The following DNM2 variants were observed in gnomAD, a reference collection of about 807,000 sequenced individuals.
The protein encoded by DNM2 is dynamin 2, also known as dynamin-2.
Under a neutral mutation model 99.0 loss-of-function variants are expected in DNM2, and 15 were observed. The observed-to-expected ratio is 0.15, with a 90% confidence interval of 0.10 to 0.23. The LOEUF (loss-of-function observed/expected upper bound fraction) is 0.23. Ranked by LOEUF, DNM2 falls within the 10% of genes least tolerant of loss-of-function variation. The probability of loss-of-function intolerance (pLI) is 1.00; values close to 1 mark genes in which losing one functional copy is unlikely to be tolerated. For missense variants in DNM2, 742 were observed against 1,189.4 expected (o/e 0.62, Z 5.53); for synonymous variants, 525 against 481.2 (o/e 1.09, Z -1.19).
intron 1 of DNM2, among the ~76,000 whole-genome samples, chr19:10,727,242 C>G (rs745836127): frequency 2.6e-5 from 4 of 152,094 alleles, no homozygotes; most frequent in Non-Finnish European, 4.4e-5. Flanking sequence ...GGATAACAGC[C>G]CTTGATAGGT....
chr19:10,764,961 CTT>C lies in DNM2; in HGVS notation c.235+5165_235+5166del, dbSNP rs1173396952. ...TATCCTGTTCTTGTTTTTTCTTTTTCTTTTTTTTTTTTTTTTGAGATGGAGTC... is the reference window on the plus strand; with the variant it reads ...TATCCTGTTCTTGTTTTTTCTTTTTCTTTTTTTTTTTTTTGAGATGGAGTC... On this transcript the variant is annotated intron_variant, in intron 2 of 20. Coordinates refer to ENST00000389253, the MANE Select transcript of DNM2 (RefSeq NM_001005361.3). The surrounding 1 kb of genome is among the most constrained non-coding windows in gnomAD (Gnocchi z 4.1). Among the ~76,000 whole-genome samples the C allele has an allele frequency of 1.4e-4, 20 of 141,840 alleles. No individual in the cohort carries two copies. Among genetic ancestry groups the C allele is most frequent in the Middle Eastern group, 3.8e-3 (1 of 260 alleles). 93.1% of individuals were successfully genotyped at this position (141,840 alleles called of 152,430 possible).
chr19:10,731,681 TCAGGGGA>T (rs934146967), intron 1 of DNM2, among the ~76,000 whole-genome samples: 2 of 152,100 alleles, frequency 1.3e-5, no homozygotes, highest in African/African-American at 4.8e-5. Context: ...TACATCAACA[TCAGGGGA>T]CAGTGACTGA....
chr19:10,752,126 GTCT>G (rs920657357), intron 1 of DNM2, among the ~76,000 whole-genome samples: 8 of 152,232 alleles, frequency 5.3e-5, no homozygotes, highest in African/African-American at 1.7e-4. Flanking sequence ...TAGAAAGTTA[GTCT>G]TCTTTGTAAA....
At chr19:10,804,310 G>A (rs2072260689) in intron 12 of DNM2, among the ~76,000 whole-genome samples, 2 of 152,112 alleles carry the variant, frequency 1.3e-5, no homozygotes, top group Admixed American at 6.5e-5. Context: ...TCAGCTCAGT[G>A]CCACCTCCTT....
rs1568270118 is a variant in DNM2, at chr19:10,736,617, TG to T, written c.161+18215del. On this transcript the variant is annotated intron_variant, in intron 1 of 20. Coordinates refer to ENST00000389253, the MANE Select transcript of DNM2 (RefSeq NM_001005361.3). ...GGTATTAGTTTTTTGTTTGTTTGTT[TG>T]TTTGTTTAGACAAAGTCTCTCTCTG... Among the ~76,000 whole-genome samples the T allele has an allele frequency of 6.5e-3, 993 of 152,328 alleles. 20 individuals carry two copies. Among genetic ancestry groups the T allele is most frequent in the African/African-American group, 0.023 (938 of 41,580 alleles).
chr19:10,744,961 G>C (rs2069908082), intron 1 of DNM2, among the ~76,000 whole-genome samples: 1 of 152,076 alleles, frequency 6.6e-6, no homozygotes, highest in Non-Finnish European at 1.5e-5. Context: ...CAGTTTCTTT[G>C]GGGTTTCTCA....
At chr19:10,743,378 G>GA (rs761624859) in intron 1 of DNM2, among the ~76,000 whole-genome samples, 8 of 151,694 alleles carry the variant, frequency 5.3e-5, no homozygotes, top group Non-Finnish European at 1.0e-4. Context: ...GCTCGGGTGA[G>GA]AAAAAACATC....
chr19:10,746,862 G>A (rs564722817), intron 1 of DNM2, among the ~76,000 whole-genome samples: 2 of 148,784 alleles, frequency 1.3e-5, no homozygotes, highest in South Asian at 2.1e-4. Flanking sequence ...TCAGCCTCTC[G>A]AGTAGCTGGG....
intron 14 of DNM2, chr19:10,810,839 C>G (rs1257878029): frequency 1.3e-5 from 2 of 153,024 alleles, no homozygotes; most frequent in Non-Finnish European, 2.9e-5. Flanking sequence ...GCCCCCACCC[C>G]GCTCCCCCCG....
intron 1 of DNM2, among the ~76,000 whole-genome samples, chr19:10,748,587 A>T (rs1477733150): frequency 6.6e-6 from 1 of 152,144 alleles, no homozygotes; most frequent in Admixed American, 6.5e-5. Flanking sequence ...ATGGGTCCCC[A>T]CTTCTGCTCC....
rs532848700 is a variant in DNM2, at chr19:10,761,181, A to G, written c.235+1370A>G. ...TTTTTGTATTTTTAGTAGAGATGGG[A>G]TTTCACCATGTTGGCCAGGCTGGTC... On this transcript the variant is annotated intron_variant, in intron 2 of 20. Transcript: ENST00000389253. Among the ~76,000 whole-genome samples, 42 of 151,338 alleles carry G rather than the reference A, an allele frequency of 2.8e-4. 1 individual carries two copies. The South Asian group carries it at 5.8e-3, about 21-fold the overall frequency.
intron 1 of DNM2, among the ~76,000 whole-genome samples, chr19:10,729,620 G>A (rs1307933531): frequency 2.0e-5 from 3 of 152,138 alleles, no homozygotes; most frequent in Non-Finnish European, 4.4e-5. Context: ...GAGTTAGGAC[G>A]CTGCCCGTGG....
At chr19:10,760,211 T>G (rs1465253565) in intron 2 of DNM2, among the ~76,000 whole-genome samples, 2 of 151,522 alleles carry the variant, frequency 1.3e-5, no homozygotes, top group Non-Finnish European at 2.9e-5. Context: ...TTTTTTTTTT[T>G]TGTATTTTTA....
intron 7 of DNM2, among the ~76,000 whole-genome samples, chr19:10,787,752 CAA>C (rs35556775): frequency 4.6e-5 from 5 of 108,336 alleles, no homozygotes; most frequent in African/African-American, 1.1e-4. Context: ...AAGACTGTCT[CAA>C]AAAAAAAAAA....
At chr19:10,777,484 C>A (rs960510634) in intron 5 of DNM2, among the ~76,000 whole-genome samples, 2 of 152,188 alleles carry the variant, frequency 1.3e-5, no homozygotes, top group African/African-American at 4.8e-5. Flanking sequence ...CGCAGCCACA[C>A]TTCCCCCAGA....
At chr19:10,793,989 G>A in intron 8 of DNM2, 134 bp downstream of exon 8, 1 of 1,453,208 alleles carries the variant, frequency 6.9e-7, no homozygotes, top group South Asian at 1.2e-5. Flanking sequence ...GGCAGGGTGT[G>A]GCCTGGATGA....
intron 15 of DNM2, 116 bp from the exon 16 acceptor site, chr19:10,819,864 G>T (rs893559629): frequency 4.0e-5 from 37 of 919,964 alleles, no homozygotes; most frequent in Non-Finnish European, 6.1e-5. Context: ...ATACAGCAGC[G>T]ACCAGCATTG....
intron 15 of DNM2, among the ~76,000 whole-genome samples, chr19:10,813,825 C>CAAAAA (rs371141451): frequency 8.7e-6 from 1 of 115,038 alleles, no homozygotes; most frequent in Admixed American, 9.4e-5. Context: ...GACACTGTCT[C>CAAAAA]AAAAAAAAAA....
intron 18 of DNM2, among the ~76,000 whole-genome samples, chr19:10,826,188 G>C (rs758675262): frequency 6.6e-6 from 1 of 152,158 alleles, no homozygotes; most frequent in African/African-American, 2.4e-5. Context: ...GCAGGTGTGC[G>C]CCTTCTCTGA....
Sources: allele counts gnomAD v4.1 joint callset (sites outside exome capture counted in the v4.1 genomes callset), GRCh38; gene constraint gnomAD v4.1.1; non-coding constraint Gnocchi (gnomAD v3.1); transcripts MANE v1.5; gene names NCBI Gene and HGNC (gene_info 2026-07-23, HGNC 2026-07-21).